The following NOL9 variants were observed in gnomAD, a reference collection of about 807,000 sequenced individuals.
The protein encoded by NOL9 is nucleolar protein 9.
Under a neutral mutation model 67.9 loss-of-function variants are expected in NOL9, and 28 were observed. That is an observed-to-expected ratio of 0.41 (90% CI 0.31 to 0.57). NOL9 has a LOEUF of 0.57. Ranked by LOEUF, NOL9 falls within the 20% of genes least tolerant of loss-of-function variation. The pLI, the probability that NOL9 is intolerant of heterozygous loss-of-function variation, is 0.25. For synonymous variants in NOL9, 356 were observed against 352.2 expected, an observed-to-expected ratio of 1.01 and a Z score of -0.12; for missense variants, 777 against 897.0, an observed-to-expected ratio of 0.87 and a Z score of 1.71.
At chr1:6,553,536 T>A (rs1639590263) in intron 1 of NOL9, among the ~76,000 whole-genome samples, 2 of 151,042 alleles carry the variant, frequency 1.3e-5, no homozygotes, top group African/African-American at 4.9e-5. Flanking sequence ...TTTTTTTTTT[T>A]AACTATTAAA....
At position 6,554,506 on chromosome 1, in the gene NOL9, G is replaced by C. The variant is rs759433391; in HGVS notation, c.-4C>G. The C allele has an allele frequency of 7.2e-6, 11 of 1,528,474 alleles. No individual in the cohort carries two copies. In the South Asian group the frequency reaches 9.6e-5, roughly 13 times the overall value. 94.7% of individuals were successfully genotyped at this position (1,528,474 alleles called of 1,614,324 possible). A position where few individuals can be genotyped will look rare whatever the true frequency, so the allele number is the denominator to read the frequency against. On this transcript the variant is annotated 5_prime_UTR_variant, in exon 1 of 12. Coordinates refer to ENST00000377705, the MANE Select transcript of NOL9 (RefSeq NM_024654.5). Reference sequence around the variant, plus strand: ...GCAGCAGTCCCGAGTCCGCCATGCTGGGTCCTCAGGGCCTACCGCGCGAGA... The same window carrying C: ...GCAGCAGTCCCGAGTCCGCCATGCTCGGTCCTCAGGGCCTACCGCGCGAGA...
In NOL9 at chr1:6,525,636, G is replaced by A; in HGVS notation, c.*218C>T. On this transcript the variant is annotated 3_prime_UTR_variant, in exon 12 of 12. Coordinates refer to ENST00000377705, the MANE Select transcript of NOL9 (RefSeq NM_024654.5). ...CTGTTTTACTCCCTCTGGACAGCAA[G>A]TATGAGTATCACACAGAAGACTAGA... The A allele has an allele frequency of 1.7e-6, 1 of 576,024 alleles. No individual in the cohort carries two copies. Among genetic ancestry groups the A allele is most frequent in the Admixed American group, 3.0e-5 (1 of 33,390 alleles). The allele number at this position is 576,024 out of a possible 1,614,324, so 35.7% of individuals were successfully genotyped here. A position where few individuals can be genotyped will look rare whatever the true frequency, so the allele number is the denominator to read the frequency against.
intron 3 of NOL9, chr1:6,548,681 A>T: frequency 1.0e-5 from 2 of 196,914 alleles, no homozygotes; most frequent in South Asian, 1.6e-4. Context: ...AGAGGTAAGG[A>T]AAGAGATAAA....
rs139037332 is a variant in NOL9, at chr1:6,550,418, C to G, written c.594G>C (p.Leu198Phe). The G allele has an allele frequency of 3.4e-4, 547 of 1,613,964 alleles. No individual in the cohort carries two copies. Among genetic ancestry groups the G allele is most frequent in the Non-Finnish European group, 4.4e-4 (516 of 1,179,982 alleles). The change falls in exon 2 of 12, where the codon TTG becomes TTC. Residue 198 changes from leucine (L) to phenylalanine (F), a missense_variant. Physicochemically the swap from Leu to Phe is conservative, Grantham distance 22 (BLOSUM62 0). Transcript: ENST00000377705. ...KKELKREARN[L>F]LKSHLNLDDR... ...TACCAAGGTTAAGATGAGATTTGAG[C>G]AAATTCCGGGCTTCCCTTTTCAGTT...
At chr1:6,542,130 A>G (rs961856019) in intron 5 of NOL9, among the ~76,000 whole-genome samples, 7 of 150,000 alleles carry the variant, frequency 4.7e-5, no homozygotes, top group African/African-American at 1.5e-4. Flanking sequence ...CACAATGTCC[A>G]TTTGTAACAC....
rs767559411 is a variant in NOL9 at position 6,532,749 on chromosome 1, G to A, written c.1249C>T (p.Leu417=). 4 of 1,612,002 alleles carry A rather than the reference G, an allele frequency of 2.5e-6. No homozygotes were observed. Among genetic ancestry groups the A allele is most frequent in the East Asian group, 2.2e-5 (1 of 44,862 alleles). The change falls in exon 8 of 12, where the codon CTG becomes TTG. Residue 417 remains leucine (L), a synonymous_variant. Coordinates refer to ENST00000377705, the MANE Select transcript of NOL9 (RefSeq NM_024654.5). ...TMGWVSDQGL[L]LLIDLIRLLS... is the part of the protein sequence containing the mutation. ...AATCGGATCAGATCAATGAGAAGCA[G>A]GAGCCCCTGGTCTGTGGGGAAGAGA...
At position 6,554,095 on chromosome 1, in the gene NOL9, C is replaced by T. The variant is rs1159301197; in HGVS notation, c.396+12G>A. ...CTGCCCTCGGGGACTACTACCGGCGCCCCCCACCTACCTGCTCGACCGGCA... is the reference window on the plus strand; with the variant it reads ...CTGCCCTCGGGGACTACTACCGGCGTCCCCCACCTACCTGCTCGACCGGCA... On this transcript the variant is annotated intron_variant, in intron 1 of 11. Coordinates refer to ENST00000377705, the MANE Select transcript of NOL9 (RefSeq NM_024654.5). The T allele has an allele frequency of 1.3e-6, 2 of 1,514,550 alleles. No individual in the cohort carries two copies. The allele number at this position is 1,514,550 out of a possible 1,614,324, so 93.8% of individuals were successfully genotyped here.
At chr1:6,551,515 G>A (rs1639542349) in intron 1 of NOL9, among the ~76,000 whole-genome samples, 2 of 151,376 alleles carry the variant, frequency 1.3e-5, no homozygotes, top group Non-Finnish European at 1.5e-5. Flanking sequence ...CATGAGAATC[G>A]CTTGAATCCA....
intron 6 of NOL9, among the ~76,000 whole-genome samples, chr1:6,537,583 T>C (rs1639182197): frequency 6.6e-6 from 1 of 152,064 alleles, no homozygotes; most frequent in Admixed American, 6.6e-5. Context: ...ACTTCAAAAC[T>C]TACCGAAAAG....
intron 3 of NOL9, among the ~76,000 whole-genome samples, chr1:6,546,501 G>C (rs149094582): frequency 6.6e-6 from 1 of 152,072 alleles, no homozygotes; most frequent in African/African-American, 2.4e-5. Flanking sequence ...ACACAGTGAC[G>C]ACCTTGATTT....
rs932112 is a variant in NOL9, at chr1:6,531,877, T to A, written c.1647+91A>T. On this transcript the variant is annotated intron_variant, in intron 9 of 11. Transcript: ENST00000377705. ...TTCTGAGGATTAAATGAGCGAGGAG[T>A]TATGTAGTGGTTAGGAGAGCGCCCA... The A allele has an allele frequency of 2.6e-3, 2,336 of 891,648 alleles. 9 individuals carry two copies. The highest frequency in any genetic ancestry group is 3.8e-3 in the Non-Finnish European group (2,027 of 531,236). The allele number at this position is 891,648 out of a possible 1,614,324, so 55.2% of individuals were successfully genotyped here.
intron 1 of NOL9, 107 bp from the exon 2 acceptor site, chr1:6,550,722 T>A (rs1570088288): frequency 1.2e-6 from 1 of 844,294 alleles, no homozygotes; most frequent in Non-Finnish European, 1.8e-6. Context: ...TTGCTCTTGT[T>A]GCCCAGGCTG....
At position 6,554,475 on chromosome 1, in the gene NOL9, G is replaced by C. The variant is rs4908923; in HGVS notation, c.28C>G (p.Arg10Gly). Reference sequence around the variant, plus strand: ...AGCCAAGTGGAACGGCAGGAACCCCGCTTTAGCAGCAGTCCCGAGTCCGCC... The same window carrying C: ...AGCCAAGTGGAACGGCAGGAACCCCCCTTTAGCAGCAGTCCCGAGTCCGCC... MADSGLLLK[R>G]GSCRSTWLRV... The change falls in exon 1 of 12, where the codon CGG (arginine) becomes GGG (glycine). Residue 10 changes from arginine to glycine, a missense_variant. Transcript: ENST00000377705. The C allele has an allele frequency of 6.5e-7, 1 of 1,545,508 alleles. No individual in the cohort carries two copies. The highest frequency in any genetic ancestry group is 8.6e-7 in the Non-Finnish European group (1 of 1,158,752).
intron 1 of NOL9, 35 bp from the exon 2 acceptor site, chr1:6,550,650 A>C: frequency 1.2e-5 from 16 of 1,361,328 alleles, no homozygotes; most frequent in Non-Finnish European, 1.6e-5. Flanking sequence ...AACATTATAG[A>C]TCATGTCACT....
Position 6,544,914 on chromosome 1 carries a change from C to G in NOL9, c.889G>C (p.Asp297His). Residue 297 changes from aspartate (D) to histidine (H), a missense_variant, in exon 5 of 12, where the codon GAT (aspartate) becomes CAT (histidine). Transcript: ENST00000377705. Reference protein sequence around the residue: ...ELVNVSCEEVDGCPVILVCGS... With the variant: ...ELVNVSCEEVHGCPVILVCGS... The stretch of plus-strand genomic sequence containing the variant: ...CAAACTAGAATGACAGGGCAGCCAT[C>G]TACTTCTTCTGAATGGGAAACAAAC... 6.2e-7 allele frequency: 1 copy of G among 1,614,208 alleles called. No homozygotes were observed.
chr1:6,527,271 C>T (rs1275949725), intron 10 of NOL9, among the ~76,000 whole-genome samples: 1 of 146,022 alleles, frequency 6.8e-6, no homozygotes, highest in African/African-American at 2.5e-5. Context: ...TACAAAGAGT[C>T]AAGAGATGGA....
intron 5 of NOL9, among the ~76,000 whole-genome samples, chr1:6,544,282 C>CA (rs573645869): frequency 0.02 from 2,717 of 137,668 alleles, 80 homozygotes; most frequent in African/African-American, 0.066. Context: ...GACCCGGTCT[C>CA]AAAAAAAAAA....
intron 9 of NOL9, among the ~76,000 whole-genome samples, chr1:6,530,105 G>A (rs1178012149): frequency 6.6e-6 from 1 of 152,014 alleles, no homozygotes; most frequent in African/African-American, 2.4e-5. Context: ...CAACCTAGGT[G>A]AAAGAGAGAG....
At chr1:6,528,743 G>A (rs1439403387) in intron 10 of NOL9, among the ~76,000 whole-genome samples, 1 of 152,250 alleles carries the variant, frequency 6.6e-6, no homozygotes, top group Non-Finnish European at 1.5e-5. Context: ...TAGGGGAGAA[G>A]TGTCGAGCAA....
Sources: gnomAD v4.1 joint callset for allele counts (sites outside exome capture counted in the v4.1 genomes callset) on GRCh38, gnomAD v4.1.1 for gene constraint, MANE v1.5 for transcripts, NCBI Gene and HGNC (gene_info 2026-07-23, HGNC 2026-07-21) for gene names.